The following DNAH8 variants were observed in gnomAD, a reference collection of about 807,000 sequenced individuals.
DNAH8 encodes the protein axonemal beta dynein heavy chain 8.
In DNAH8, 382 loss-of-function variants were observed where a neutral mutation model predicts 562.1. The ratio of observed to expected loss-of-function variants is 0.68; its 90% CI spans 0.63 to 0.74. DNAH8 has a LOEUF of 0.74. Among genes scored for constraint, DNAH8 ranks in the 30% least tolerant of loss-of-function variants. DNAH8 has a pLI of 0.00. For synonymous variants in DNAH8, 1,881 were observed against 1,919.4 expected (o/e 0.98, Z 0.52); for missense variants, 5,203 against 5,620.4 (o/e 0.93, Z 2.37).
Position 38,746,957 on chromosome 6 carries a change from T to C in DNAH8, c.1294-3519T>C, listed in dbSNP as rs115846357. Among the ~76,000 whole-genome samples, 578 of 152,194 alleles carry C rather than the reference T, an allele frequency of 3.8e-3. 4 individuals carry two copies. Among genetic ancestry groups the C allele is most frequent in the African/African-American group, 0.013 (555 of 41,510 alleles). ...AAAAGAAAAAAAAAGAAGAATAAAT[T>C]AAGGTTAACCTAAATTTAAAATAGA... is the stretch of plus-strand genomic sequence containing the variant. On this transcript the variant is annotated intron_variant, in intron 8 of 92. Coordinates refer to ENST00000327475, the MANE Select transcript of DNAH8 (RefSeq NM_001206927.2).
At position 38,870,527 on chromosome 6, in the gene DNAH8, A is replaced by T; in HGVS notation, c.6955A>T (p.Ile2319Phe). 6.2e-7 allele frequency: 1 copy of T among 1,614,084 alleles called. No homozygotes were observed. The highest frequency in any genetic ancestry group is 8.5e-7 in the Non-Finnish European group (1 of 1,179,974). ...CCATCAGGTTCAGATAGAGGGTTTGATTAACCATCCACCCTGGAACCTGAA... is the reference window on the plus strand; with the variant it reads ...CCATCAGGTTCAGATAGAGGGTTTGTTTAACCATCCACCCTGGAACCTGAA... ...VAHQVQIEGLINHPPWNLKLV... is the reference protein window; with the variant it reads ...VAHQVQIEGLFNHPPWNLKLV... Residue 2319 changes from isoleucine (I) to phenylalanine (F), a missense_variant, in exon 49 of 93, where the codon ATT becomes TTT. By Grantham distance (21) the Ile-to-Phe change is conservative. This residue lies in a region of DNAH8 where 2,176 missense variants were observed against 2,365.1 expected (regional missense o/e 0.92). Coordinates refer to ENST00000327475, the MANE Select transcript of DNAH8 (RefSeq NM_001206927.2).
At chr6:38,875,456 C>CGGTG in intron 52 of DNAH8, 135 bp from the exon 53 acceptor site, 1 of 561,824 alleles carries the variant, frequency 1.8e-6, no homozygotes, top group Non-Finnish European at 3.0e-6. Flanking sequence ...GGCTGTAGGA[C>CGGTG]GGTGATCAAG....
At chr6:38,942,310 C>T (rs1783528525) in intron 79 of DNAH8, among the ~76,000 whole-genome samples, 1 of 152,076 alleles carries the variant, frequency 6.6e-6, no homozygotes, top group Non-Finnish European at 1.5e-5. Context: ...TAATATGACC[C>T]CTGAGAAGGA....
At chr6:39,002,506 A>G (rs1765555167) in intron 88 of DNAH8, among the ~76,000 whole-genome samples, 1 of 152,176 alleles carries the variant, frequency 6.6e-6, no homozygotes, top group Non-Finnish European at 1.5e-5. Context: ...GGGTTGTGCC[A>G]TATTTCAAAA....
chr6:38,937,903 TC>T, intron 77 of DNAH8, 70 bp from the exon 78 acceptor site: 1 of 1,531,680 alleles, frequency 6.5e-7, no homozygotes, highest in Non-Finnish European at 8.8e-7. Flanking sequence ...TTTTTTTTTT[TC>T]AGAAGAGATG....
At chr6:38,945,706 T>C in intron 80 of DNAH8, 118 bp downstream of exon 80, 1 of 1,383,850 alleles carries the variant, frequency 7.2e-7, no homozygotes, top group Non-Finnish European at 9.9e-7. Flanking sequence ...ACCCAATAGT[T>C]TGGATTTGAG....
In DNAH8 at chr6:38,935,653, A is replaced by G. The variant is rs759193789; in HGVS notation, c.11519A>G (p.Lys3840Arg). 56 of 1,613,418 alleles carry G rather than the reference A, an allele frequency of 3.5e-5. No individual in the cohort carries two copies. The highest frequency in any genetic ancestry group is 4.5e-5 in the Non-Finnish European group (53 of 1,179,732). The change falls in exon 77 of 93, where the codon AAA becomes AGA. Residue 3840 changes from lysine (K) to arginine (R), a missense_variant. Coordinates refer to ENST00000327475, the MANE Select transcript of DNAH8 (RefSeq NM_001206927.2). ...EDVTFNKRKMKELEDNLLYKL... is the reference protein window; with the variant it reads ...EDVTFNKRKMRELEDNLLYKL... ...GTTACTTTTAATAAGCGGAAGATGA[A>G]AGAACTTGAAGATAACCTCCTCTAT...
chr6:38,831,201 G>T (rs1227443749), intron 30 of DNAH8, among the ~76,000 whole-genome samples: 1 of 152,034 alleles, frequency 6.6e-6, no homozygotes, highest in Admixed American at 6.6e-5. Context: ...GAGATGGGTG[G>T]ATCACTTGAG....
intron 88 of DNAH8, among the ~76,000 whole-genome samples, chr6:38,991,662 T>A (rs1764797625): frequency 6.6e-6 from 1 of 152,120 alleles, no homozygotes; most frequent in Non-Finnish European, 1.5e-5. Context: ...CCTGGCTCTT[T>A]CAGTCCTCTC....
intron 22 of DNAH8, among the ~76,000 whole-genome samples, chr6:38,804,542 C>G (rs1353723930): frequency 6.6e-6 from 1 of 152,144 alleles, no homozygotes; most frequent in Non-Finnish European, 1.5e-5. Flanking sequence ...TGGCTTCGAG[C>G]AAGGCTAGCC....
chr6:39,030,052 G>T, intron 92 of DNAH8, 53 bp from the exon 93 acceptor site: 1 of 1,448,866 alleles, frequency 6.9e-7, no homozygotes, highest in Non-Finnish European at 9.5e-7. Flanking sequence ...GACTAATTTT[G>T]CAGCACCTAG....
intron 21 of DNAH8, among the ~76,000 whole-genome samples, chr6:38,797,461 A>G (rs1217860726): frequency 1.3e-5 from 2 of 152,138 alleles, no homozygotes; most frequent in African/African-American, 4.8e-5. Context: ...AGAAAGCTAT[A>G]AACAGTGAAA....
Position 38,909,651 on chromosome 6 carries a change from T to C in DNAH8, c.9647T>C (p.Ile3216Thr). The change falls in exon 65 of 93, where the codon ATT becomes ACT. Residue 3216 changes from isoleucine to threonine, a missense_variant. By Grantham distance (89) the Ile-to-Thr change is moderately conservative. Around this residue, in one of 6 missense-constraint regions of DNAH8, gnomAD observed 977 missense variants for 1,061.8 expected, o/e 0.92. Transcript: ENST00000327475. The part of the protein sequence containing the change: ...VASYFLSDYN[I>T]VCSSEIKRQV... The stretch of plus-strand genomic sequence containing the variant: ...TCCTACTTCCTTTCAGACTATAATA[T>C]TGTCTGCTCTAGTGAAATTAAAAGA... 6.2e-7 allele frequency: 1 copy of C among 1,614,112 alleles called. No homozygotes were observed. Among genetic ancestry groups the C allele is most frequent in the Non-Finnish European group, 8.5e-7 (1 of 1,179,978 alleles).
Position 38,850,317 on chromosome 6 carries a change from C to T in DNAH8, c.5266C>T (p.Pro1756Ser). Reference sequence around the variant, plus strand: ...AATAATGCAGCGAGCTCATGAGAATCCCAATGTGATTAATTGCTGTGTTGG... The same window carrying T: ...AATAATGCAGCGAGCTCATGAGAATTCCAATGTGATTAATTGCTGTGTTGG... The part of the protein sequence containing the change: ...IKIMQRAHEN[P>S]NVINCCVGDE... The change falls in exon 38 of 93, where the codon CCC (proline) becomes TCC (serine). Residue 1756 changes from proline to serine, a missense_variant. Coordinates refer to ENST00000327475, the MANE Select transcript of DNAH8 (RefSeq NM_001206927.2). 6.2e-7 allele frequency: 1 copy of T among 1,613,588 alleles called. No individual in the cohort carries two copies. The highest frequency in any genetic ancestry group is 1.1e-5 in the South Asian group (1 of 91,054).
intron 12 of DNAH8, among the ~76,000 whole-genome samples, chr6:38,772,173 T>C (rs112245969): frequency 0.12 from 18,481 of 151,258 alleles, 1,352 homozygotes; most frequent in Admixed American, 0.22. Context: ...GGACTACAGG[T>C]GCCCGCCACT....
At chr6:39,014,052 A>T (rs537765162) in intron 91 of DNAH8, among the ~76,000 whole-genome samples, 1 of 152,214 alleles carries the variant, frequency 6.6e-6, no homozygotes, top group East Asian at 1.9e-4. Context: ...AATATTATAC[A>T]TGAAAAATAT....
In DNAH8 at chr6:38,979,582, T is replaced by C. The variant is rs866152159; in HGVS notation, c.12835-2764T>C. Among the ~76,000 whole-genome samples the C allele has an allele frequency of 3.9e-5, 6 of 152,316 alleles. No homozygotes were observed. The South Asian group carries it at 1.2e-3, about 32-fold the overall frequency. On this transcript the variant is annotated intron_variant, in intron 85 of 92. Coordinates refer to ENST00000327475, the MANE Select transcript of DNAH8 (RefSeq NM_001206927.2). ...ACCCACTAAGATTTTGGGCTTTTTT[T>C]CCCAAGATGAGCTAATCAGTTTATG...
At chr6:38,946,858 G>A (rs1761470894) in intron 80 of DNAH8, among the ~76,000 whole-genome samples, 1 of 152,052 alleles carries the variant, frequency 6.6e-6, no homozygotes, top group Non-Finnish European at 1.5e-5. Context: ...TCAGAGATTG[G>A]GTAAGGGAGA....
chr6:38,896,826 C>T (rs1779728396), intron 60 of DNAH8, among the ~76,000 whole-genome samples: 1 of 152,034 alleles, frequency 6.6e-6, no homozygotes, highest in African/African-American at 2.4e-5. Flanking sequence ...CTCTCTGTCA[C>T]CCCAGGCTGG....
Sources: gnomAD v4.1 joint callset for allele counts (sites outside exome capture counted in the v4.1 genomes callset) on GRCh38, gnomAD v4.1.1 for gene constraint, gnomAD v4.1.1 regional missense constraint, MANE v1.5 for transcripts, NCBI Gene and HGNC (gene_info 2026-07-23, HGNC 2026-07-21) for gene names.